Variants in TRAPPC8 observed in about 807,000 individuals in gnomAD.
TRAPPC8 encodes general sporulation gene 1 homolog.
TRAPPC8 carries 54 observed loss-of-function variants against 174.3 expected under a neutral mutation model. The ratio of observed to expected loss-of-function variants is 0.31; its 90% CI spans 0.25 to 0.39. The LOEUF is 0.39. Among genes scored for constraint, TRAPPC8 ranks in the 10% least tolerant of loss-of-function variants. The pLI, the probability that TRAPPC8 is intolerant of heterozygous loss-of-function variation, is 1.00. For missense variants in TRAPPC8, 1,531 were observed against 1,699.1 expected, an observed-to-expected ratio of 0.90 and a Z score of 1.74; for synonymous variants, 630 against 579.9, an observed-to-expected ratio of 1.09 and a Z score of -1.24.
At chr18:31,878,083 A>G (rs892216137) in intron 12 of TRAPPC8, among the ~76,000 whole-genome samples, 3 of 152,134 alleles carry the variant, frequency 2.0e-5, no homozygotes, top group Non-Finnish European at 4.4e-5. Flanking sequence ...CCCTGAGCCC[A>G]TTTTGGTGGC....
Position 31,934,987 on chromosome 18 carries a change from T to TAAATAAATAAAA in TRAPPC8, c.158-3465_158-3464insTTTTATTTATTT, listed in dbSNP as rs760644949. ...ATAAATAAATAAATAAATAAATAAA[T>TAAATAAATAAAA]AAAATGTATTTTGAAAATAATGACA... On this transcript the variant is annotated intron_variant, in intron 1 of 28. Transcript: ENST00000283351. 3.7e-3 allele frequency among the ~76,000 whole-genome samples: 545 copies of TAAATAAATAAAA among 146,192 alleles called. 2 individuals carry two copies. The highest frequency in any genetic ancestry group is 5.7e-3 in the Non-Finnish European group (373 of 65,942).
intron 1 of TRAPPC8, among the ~76,000 whole-genome samples, chr18:31,932,969 G>A (rs1394166294): frequency 1.3e-4 from 17 of 127,380 alleles, no homozygotes; most frequent in African/African-American, 4.9e-4. Context: ...CTGCATTCCA[G>A]CCTGGGCGAC....
In TRAPPC8 at chr18:31,857,923, T is replaced by A. The variant is rs1431301130; in HGVS notation, c.2805A>T (p.Val935=). Residue 935 remains valine, a synonymous_variant, in exon 20 of 29, where the codon GTA becomes GTT. Coordinates refer to ENST00000283351, the MANE Select transcript of TRAPPC8 (RefSeq NM_014939.5). ...LLCGEIRKAY[V]EFVNVSKCPL... Reference sequence around the variant, plus strand: ...GACATTTGCTGACATTGACAAATTCTACATATGCTTTTCGGATTTCTCCAC... The same window carrying A: ...GACATTTGCTGACATTGACAAATTCAACATATGCTTTTCGGATTTCTCCAC... The A allele has an allele frequency of 1.9e-6, 3 of 1,614,174 alleles. No individual in the cohort carries two copies. Among genetic ancestry groups the A allele is most frequent in the Non-Finnish European group, 2.5e-6 (3 of 1,180,004 alleles).
chr18:31,893,007 G>A (rs1005826529), intron 11 of TRAPPC8, among the ~76,000 whole-genome samples: 9 of 144,272 alleles, frequency 6.2e-5, no homozygotes, highest in South Asian at 2.4e-4. Context: ...AACGAATGAC[G>A]CCTTGTCTCA....
rs2034112023 is a variant in TRAPPC8, at chr18:31,857,846, C to T, written c.2882G>A (p.Gly961Asp). The T allele has an allele frequency of 2.5e-6, 4 of 1,614,158 alleles. No individual in the cohort carries two copies. The highest frequency in any genetic ancestry group is 3.4e-6 in the Non-Finnish European group (4 of 1,180,030). The change falls in exon 20 of 29, where the codon GGT (glycine) becomes GAT (aspartate). Residue 961 changes from glycine to aspartate, a missense_variant. By Grantham distance (94) the Gly-to-Asp change is moderately conservative. Coordinates refer to ENST00000283351, the MANE Select transcript of TRAPPC8 (RefSeq NM_014939.5). ...TGGTGTTAGAACAGCAGTATTACCA[C>T]CGAAAGTAAAGAACTCTGGACGTTT... ...VSKRPEFFTF[G>D]GNTAVLTPLS...
rs773924128 is a variant in TRAPPC8, at chr18:31,901,007, C to T, written c.1408G>A (p.Ala470Thr). ...CTAGGTGCTCCTGGTTGAAGAAAAG[C>T]AGACACTGCTGCCATTTCCTAAAAT... Reference protein sequence around the residue: ...AGALEMAAVSAFLQPGAPRPY... With the variant: ...AGALEMAAVSTFLQPGAPRPY... Residue 470 changes from alanine to threonine, a missense_variant, in exon 10 of 29, where the codon GCT becomes ACT. Physicochemically the swap from Ala to Thr is moderately conservative, Grantham distance 58. Coordinates refer to ENST00000283351, the MANE Select transcript of TRAPPC8 (RefSeq NM_014939.5). 6 of 1,587,850 alleles carry T rather than the reference C, an allele frequency of 3.8e-6. No individual in the cohort carries two copies. Among genetic ancestry groups the T allele is most frequent in the Middle Eastern group, 1.7e-4 (1 of 5,996 alleles).
intron 5 of TRAPPC8, among the ~76,000 whole-genome samples, chr18:31,912,143 C>T (rs2036939199): frequency 6.6e-6 from 1 of 151,970 alleles, no homozygotes; most frequent in Non-Finnish European, 1.5e-5. Context: ...AGGGAAATGC[C>T]CACCCACCTA....
intron 19 of TRAPPC8, among the ~76,000 whole-genome samples, chr18:31,864,210 T>C (rs1431863538): frequency 1.2e-4 from 18 of 151,670 alleles, no homozygotes; most frequent in Non-Finnish European, 4.4e-5. Context: ...TTGTATGGTA[T>C]AAAAGTAGGA....
chr18:31,867,581 G>C, intron 16 of TRAPPC8, 105 bp from the exon 17 acceptor site: 1 of 797,344 alleles, frequency 1.3e-6, no homozygotes, highest in East Asian at 2.7e-5. Context: ...ATTAAAGTCT[G>C]CATTTACTTG....
intron 9 of TRAPPC8, among the ~76,000 whole-genome samples, chr18:31,906,769 G>C (rs1237671542): frequency 6.6e-6 from 1 of 152,128 alleles, no homozygotes; most frequent in Non-Finnish European, 1.5e-5. Context: ...TGATATTACT[G>C]ACAGCTTATT....
At chr18:31,919,577 TA>T (rs1418686576) in intron 2 of TRAPPC8, among the ~76,000 whole-genome samples, 1 of 120,164 alleles carries the variant, frequency 8.3e-6, no homozygotes, top group Non-Finnish European at 1.8e-5. Context: ...AATAAATAAA[TA>T]AATAAATAAA....
In TRAPPC8 at chr18:31,857,466, T is replaced by C. The variant is rs2034081965; in HGVS notation, c.3188+74A>G. 3 of 1,207,328 alleles carry C rather than the reference T, an allele frequency of 2.5e-6. No homozygotes were observed. In the South Asian group the frequency reaches 5.9e-5, roughly 24 times the overall value. The allele number at this position is 1,207,328 out of a possible 1,614,324, so 74.8% of individuals were successfully genotyped here. A position where few individuals can be genotyped will look rare whatever the true frequency, so the allele number is the denominator to read the frequency against. The stretch of plus-strand genomic sequence containing the variant: ...TAATTTCTTAACATGTTAGTAAATA[T>C]CAAAATGTTTATCTGAATATGTGCA... On this transcript the variant is annotated intron_variant, in intron 20 of 28. Coordinates refer to ENST00000283351, the MANE Select transcript of TRAPPC8 (RefSeq NM_014939.5).
chr18:31,942,907 G>A lies in TRAPPC8; in HGVS notation c.-143C>T, dbSNP rs1001128864. The A allele has an allele frequency of 4.0e-5, 50 of 1,240,592 alleles. No individual in the cohort carries two copies. Among genetic ancestry groups the A allele is most frequent in the Non-Finnish European group, 4.5e-5 (45 of 992,530 alleles). 76.8% of individuals were successfully genotyped at this position (1,240,592 alleles called of 1,614,324 possible). On this transcript the variant is annotated 5_prime_UTR_variant, in exon 1 of 29. Coordinates refer to ENST00000283351, the MANE Select transcript of TRAPPC8 (RefSeq NM_014939.5). ...ACGCACTGGAGCCTAGAAACAAGAA[G>A]GAACAGACGCCGCCGCTTCGGTTTC...
chr18:31,922,061 G>A (rs1352846021), intron 2 of TRAPPC8, among the ~76,000 whole-genome samples: 1 of 152,104 alleles, frequency 6.6e-6, no homozygotes, highest in East Asian at 1.9e-4. Flanking sequence ...AAGAGTAACT[G>A]TAATTAGATT....
chr18:31,908,648 C>T (rs529834899), intron 7 of TRAPPC8, 106 bp downstream of exon 7: 18 of 1,238,412 alleles, frequency 1.5e-5, no homozygotes, highest in Non-Finnish European at 1.9e-5. Flanking sequence ...TAATATTGGC[C>T]TATCTTAAAA....
intron 12 of TRAPPC8, among the ~76,000 whole-genome samples, chr18:31,881,021 C>A (rs753706655): frequency 6.6e-6 from 1 of 151,916 alleles, no homozygotes; most frequent in South Asian, 2.1e-4. Context: ...AAAAAACCCA[C>A]GCTCACAGAT....
At chr18:31,898,645 G>A (rs552901163) in intron 10 of TRAPPC8, among the ~76,000 whole-genome samples, 1 of 152,354 alleles carries the variant, frequency 6.6e-6, no homozygotes, top group East Asian at 1.9e-4. Flanking sequence ...TATTTCTGCT[G>A]GAGATGGCTT....
intron 9 of TRAPPC8, among the ~76,000 whole-genome samples, chr18:31,905,189 T>C (rs2145458560): frequency 6.6e-6 from 1 of 152,274 alleles, no homozygotes; most frequent in East Asian, 1.9e-4. Flanking sequence ...TCTTATCAAT[T>C]AGTTAACATG....
rs143269863 is a variant in TRAPPC8, at chr18:31,922,958, A to G, written c.353-5291T>C. On this transcript the variant is annotated intron_variant, in intron 2 of 28. Coordinates refer to ENST00000283351, the MANE Select transcript of TRAPPC8 (RefSeq NM_014939.5). Reference sequence around the variant, plus strand: ...CTTGAGCCCAGGAGGCAGAGGTTGCAGTAAGCCAAGAGAGAGCCACTGAAC... The same window carrying G: ...CTTGAGCCCAGGAGGCAGAGGTTGCGGTAAGCCAAGAGAGAGCCACTGAAC... Among the ~76,000 whole-genome samples the G allele has an allele frequency of 2.6e-5, 4 of 152,352 alleles. No homozygotes were observed. In the East Asian group the frequency reaches 7.7e-4, roughly 29 times the overall value.
Sources: gnomAD v4.1 joint callset for allele counts (sites outside exome capture counted in the v4.1 genomes callset) on GRCh38, gnomAD v4.1.1 for gene constraint, MANE v1.5 for transcripts, NCBI Gene and HGNC (gene_info 2026-07-23, HGNC 2026-07-21) for gene names.